HDAC9: variants seen among roughly 807,000 people sequenced by gnomAD.
HDAC9 encodes the protein MEF-2 interacting transcription repressor (MITR) protein.
HDAC9 carries 41 observed loss-of-function variants against 139.4 expected under a neutral mutation model. The observed-to-expected ratio is 0.29, with a 90% CI of 0.23 to 0.38. The LOEUF (loss-of-function observed/expected upper bound fraction) is 0.38. Ranked by LOEUF, HDAC9 falls within the 10% of genes least tolerant of loss-of-function variation. The probability of loss-of-function intolerance (pLI) is 1.00; values close to 1 mark genes in which losing one functional copy is unlikely to be tolerated. For synonymous variants in HDAC9, 517 were observed against 476.2 expected (o/e 1.09, Z -1.12); for missense variants, 1,147 against 1,297.0 (o/e 0.88, Z 1.78).
At chr7:18,151,972 C>T (rs1157867451) in intron 1 of HDAC9, 1 of 152,170 alleles carries the variant, frequency 6.6e-6, no homozygotes, top group Non-Finnish European at 1.5e-5. Flanking sequence ...GACATTTTTA[C>T]CACCCATGCA....
intron 1 of HDAC9, among the ~76,000 whole-genome samples, chr7:18,466,865 G>A (rs760694927): frequency 2.0e-5 from 3 of 152,094 alleles, no homozygotes; most frequent in South Asian, 2.1e-4. Context: ...TCTGAAGATC[G>A]TCTGTCTGTT....
rs989732757 is a variant in HDAC9 at position 18,240,144 on chromosome 7, T to A, written c.25+77795T>A. Among the ~76,000 whole-genome samples, 9 of 152,164 alleles carry A rather than the reference T, an allele frequency of 5.9e-5. No homozygotes were observed. In the South Asian group the frequency reaches 1.9e-3, roughly 32 times the overall value. ...AAATGTAAGCATTTGGGGTGAATTCTTTAAAAAAGTCTGGCTATTTCCTAG... is the reference window on the plus strand; with the variant it reads ...AAATGTAAGCATTTGGGGTGAATTCATTAAAAAAGTCTGGCTATTTCCTAG... On this transcript the variant is annotated intron_variant, in intron 2 of 12. Transcript: ENST00000417496.
chr7:18,773,364 TACACACACACACACACAC>T (rs4043674), intron 16 of HDAC9, among the ~76,000 whole-genome samples: 10,448 of 142,796 alleles, frequency 0.073, 1,210 homozygotes, highest in African/African-American at 0.24. Flanking sequence ...AAAAACTGTA[TACACACACACACACACAC>T]ACACACACAC....
chr7:18,530,094 A>G (rs538920062), intron 2 of HDAC9, among the ~76,000 whole-genome samples: 2 of 152,126 alleles, frequency 1.3e-5, no homozygotes, highest in Non-Finnish European at 2.9e-5. Context: ...AGGCTGGGCA[A>G]CAAAGCAAGA....
chr7:18,619,590 C>T (rs1411399661), intron 6 of HDAC9, among the ~76,000 whole-genome samples: 1 of 152,122 alleles, frequency 6.6e-6, no homozygotes, highest in Admixed American at 6.6e-5. Context: ...CTCATAAGAT[C>T]TGTGTCTATG....
At chr7:18,314,522 C>G (rs1799513797) in intron 1 of HDAC9, among the ~76,000 whole-genome samples, 1 of 152,148 alleles carries the variant, frequency 6.6e-6, no homozygotes, top group Non-Finnish European at 1.5e-5. Flanking sequence ...AATAACTTTC[C>G]TTTTATCTCT....
At chr7:18,344,027 G>T (rs1364339341) in intron 1 of HDAC9, among the ~76,000 whole-genome samples, 1 of 151,720 alleles carries the variant, frequency 6.6e-6, no homozygotes, top group African/African-American at 2.4e-5. Flanking sequence ...AATTTCTTCT[G>T]TGTTGAGCAA....
intron 17 of HDAC9, among the ~76,000 whole-genome samples, chr7:18,821,435 A>G (rs1319666466): frequency 6.6e-6 from 1 of 152,210 alleles, no homozygotes; most frequent in African/African-American, 2.4e-5. Flanking sequence ...AAGACATCCC[A>G]CATAGAACTA....
At chr7:18,210,164 A>G (rs896098489) in intron 2 of HDAC9, among the ~76,000 whole-genome samples, 19 of 152,184 alleles carry the variant, frequency 1.2e-4, no homozygotes, top group African/African-American at 4.3e-4. Flanking sequence ...TTGGGCATTT[A>G]TTGGGTACCT....
intron 6 of HDAC9, among the ~76,000 whole-genome samples, chr7:18,617,995 T>C (rs762384812): frequency 2.3e-4 from 35 of 152,208 alleles, no homozygotes; most frequent in African/African-American, 3.1e-4. Context: ...AGCAAGTTGA[T>C]GTTATAGTCT....
At chr7:18,176,123 G>C (rs1308573791) in intron 2 of HDAC9, among the ~76,000 whole-genome samples, 3 of 152,096 alleles carry the variant, frequency 2.0e-5, no homozygotes, top group African/African-American at 7.2e-5. Flanking sequence ...ATGTCAAAAT[G>C]ACATTATTCA....
chr7:18,755,829 G>A lies in HDAC9; in HGVS notation c.2044-6328G>A, dbSNP rs369281284. On this transcript the variant is annotated intron_variant, in intron 14 of 25. Coordinates refer to ENST00000686413, the MANE Select transcript of HDAC9 (RefSeq NM_178425.4). Reference sequence around the variant, plus strand: ...GTCCTAAAATACTTTAAAATAAGTCGTAGTGACTGAATCAAGCAGTATTAA... The same window carrying A: ...GTCCTAAAATACTTTAAAATAAGTCATAGTGACTGAATCAAGCAGTATTAA... Among the ~76,000 whole-genome samples, 30 of 152,148 alleles carry A rather than the reference G, an allele frequency of 2.0e-4. 1 individual carries two copies. The highest frequency in any genetic ancestry group is 7.7e-4 in the East Asian group (4 of 5,174).
At chr7:18,950,924 T>C (rs1782748329) in intron 23 of HDAC9, among the ~76,000 whole-genome samples, 1 of 152,048 alleles carries the variant, frequency 6.6e-6, no homozygotes, top group Admixed American at 6.6e-5. Context: ...GCTTGATTGA[T>C]GTATACATCC....
intron 2 of HDAC9, among the ~76,000 whole-genome samples, chr7:18,247,523 A>C (rs1409945512): frequency 6.6e-6 from 1 of 152,106 alleles, no homozygotes; most frequent in Non-Finnish European, 1.5e-5. Flanking sequence ...GAATGGGTTT[A>C]AGGGAAAATG....
intron 17 of HDAC9, among the ~76,000 whole-genome samples, chr7:18,813,176 C>T (rs1273292505): frequency 7.9e-5 from 12 of 151,824 alleles, no homozygotes; most frequent in Non-Finnish European, 1.6e-4. Flanking sequence ...CTTTTTTCTG[C>T]TTCTTTGCCT....
intron 1 of HDAC9, among the ~76,000 whole-genome samples, chr7:18,330,160 G>T (rs1326661200): frequency 1.3e-5 from 2 of 151,624 alleles, no homozygotes; most frequent in Non-Finnish European, 3.0e-5. Context: ...AGATTGTGAA[G>T]ATTCTTTTCA....
At chr7:18,940,467 T>TC (rs1413981704) in intron 23 of HDAC9, among the ~76,000 whole-genome samples, 1 of 152,150 alleles carries the variant, frequency 6.6e-6, no homozygotes, top group East Asian at 1.9e-4. Flanking sequence ...GAACTTAGAT[T>TC]TATCAGTCCA....
At chr7:18,416,450 A>G (rs1190316055) in intron 1 of HDAC9, among the ~76,000 whole-genome samples, 1 of 151,838 alleles carries the variant, frequency 6.6e-6, no homozygotes, top group Non-Finnish European at 1.5e-5. Context: ...CCTCCTCTTC[A>G]TTTTTCTGGA....
At chr7:18,248,181 G>T (rs556342584) in intron 2 of HDAC9, among the ~76,000 whole-genome samples, 1 of 152,128 alleles carries the variant, frequency 6.6e-6, no homozygotes, top group Non-Finnish European at 1.5e-5. Context: ...TAAAAATATG[G>T]TAGATTAAGA....
Sources: allele counts gnomAD v4.1 joint callset (sites outside exome capture counted in the v4.1 genomes callset), GRCh38; gene constraint gnomAD v4.1.1; transcripts MANE v1.5; gene names NCBI Gene and HGNC (gene_info 2026-07-23, HGNC 2026-07-21).